DOCK4: variants seen among roughly 807,000 people sequenced by gnomAD.
DOCK4 encodes dedicator of cytokinesis 4, also known as dedicator of cytokinesis protein 4.
A neutral mutation model predicts 268.1 loss-of-function variants in DOCK4; 97 were observed. The observed-to-expected ratio is 0.36, with a 90% CI of 0.31 to 0.43. The LOEUF is 0.43. Among genes scored for constraint, DOCK4 ranks in the 20% least tolerant of loss-of-function variants. The pLI is 1.00. For missense variants in DOCK4, 2,145 were observed against 2,455.7 expected (o/e 0.87, Z 2.67); for synonymous variants, 954 against 887.2 (o/e 1.08, Z -1.34).
In DOCK4 at chr7:111,933,296, ATAT is replaced by A. The variant is rs1234068192; in HGVS notation, c.1066+2241_1066+2243del. On this transcript the variant is annotated intron_variant, in intron 12 of 52. Transcript: ENST00000428084. Reference sequence around the variant, plus strand: ...CATATATACATATATATATATATATATATTTTTTTTTTTTTTTGAGATGGAGTC... The same window carrying A: ...CATATATACATATATATATATATATATTTTTTTTTTTTTTGAGATGGAGTC... Among the ~76,000 whole-genome samples the A allele has an allele frequency of 2.6e-4, 28 of 108,382 alleles. 2 individuals carry two copies. The highest frequency in any genetic ancestry group is 1.1e-3 in the African/African-American group (27 of 24,262). 71.1% of individuals were successfully genotyped at this position (108,382 alleles called of 152,430 possible).
In DOCK4 at chr7:112,053,778, G is replaced by C. The variant is rs535981648; in HGVS notation, c.38-49647C>G. 7.3e-4 allele frequency among the ~76,000 whole-genome samples: 111 copies of C among 152,288 alleles called. 1 individual carries two copies. The highest frequency in any genetic ancestry group is 1.2e-3 in the Non-Finnish European group (83 of 68,030). Reference sequence around the variant, plus strand: ...AAGGGAAGGCATCATCAGCAATGTTGTCATAATTACACCGTCAGCTAATCA... The same window carrying C: ...AAGGGAAGGCATCATCAGCAATGTTCTCATAATTACACCGTCAGCTAATCA... On this transcript the variant is annotated intron_variant, in intron 1 of 52. Coordinates refer to ENST00000428084, the MANE Select transcript of DOCK4 (RefSeq NM_001363540.2).
intron 1 of DOCK4, among the ~76,000 whole-genome samples, chr7:112,098,490 T>C (rs35447217): frequency 1.3e-5 from 2 of 150,568 alleles, no homozygotes; most frequent in African/African-American, 2.4e-5. Flanking sequence ...AAATTATATA[T>C]CTTATAGTTA....
At chr7:111,777,433 C>T (rs1035423520) in intron 36 of DOCK4, among the ~76,000 whole-genome samples, 2 of 152,128 alleles carry the variant, frequency 1.3e-5, no homozygotes, top group Non-Finnish European at 2.9e-5. Flanking sequence ...AAATGGTAAA[C>T]ATCTGAGTAA....
intron 1 of DOCK4, among the ~76,000 whole-genome samples, chr7:112,113,733 G>GAT (rs1811869405): frequency 2.6e-5 from 2 of 77,926 alleles, no homozygotes; most frequent in Non-Finnish European, 5.0e-5. Flanking sequence ...ATACTTGGCT[G>GAT]ATTTTTTTTT....
chr7:111,836,023 T>C (rs1158605043), intron 25 of DOCK4, among the ~76,000 whole-genome samples: 2 of 152,174 alleles, frequency 1.3e-5, no homozygotes, highest in Non-Finnish European at 2.9e-5. Flanking sequence ...TATACTTTGT[T>C]AATGAACATG....
At chr7:111,734,219 G>A (rs928194804) in intron 51 of DOCK4, among the ~76,000 whole-genome samples, 5 of 151,926 alleles carry the variant, frequency 3.3e-5, no homozygotes, top group Non-Finnish European at 7.4e-5. Context: ...TGGGATTACA[G>A]GTGTGAACTA....
Position 111,741,520 on chromosome 7 carries a change from T to C in DOCK4, c.4919+20A>G, listed in dbSNP as rs760727286. On this transcript the variant is annotated intron_variant, in intron 46 of 52. Coordinates refer to ENST00000428084, the MANE Select transcript of DOCK4 (RefSeq NM_001363540.2). ...TTGCGGGTGAGGCCAAATTGTAAGA[T>C]AATTTGGAATATGACTTACCTGCGT... The C allele has an allele frequency of 4.3e-6, 7 of 1,610,024 alleles. No homozygotes were observed. Among genetic ancestry groups the C allele is most frequent in the South Asian group, 1.1e-5 (1 of 89,902 alleles).
chr7:111,881,840 T>A lies in DOCK4; in HGVS notation c.1588-4654A>T, dbSNP rs184820886. 1.2e-4 allele frequency among the ~76,000 whole-genome samples: 19 copies of A among 152,220 alleles called. No homozygotes were observed. The East Asian group carries it at 3.5e-3, about 28-fold the overall frequency. On this transcript the variant is annotated intron_variant, in intron 16 of 52. Coordinates refer to ENST00000428084, the MANE Select transcript of DOCK4 (RefSeq NM_001363540.2). The stretch of plus-strand genomic sequence containing the variant: ...TAAGCCAGGCACCAAAAGACAAACA[T>A]TGCATGTTCTCACTTTTTTTGTGGG...
At chr7:111,743,309 C>G (rs910467932) in intron 44 of DOCK4, among the ~76,000 whole-genome samples, 2 of 152,214 alleles carry the variant, frequency 1.3e-5, no homozygotes, top group Non-Finnish European at 2.9e-5. Flanking sequence ...TATTTTTAAT[C>G]TTTGCAGCTC....
intron 1 of DOCK4, among the ~76,000 whole-genome samples, chr7:112,013,985 A>AC (rs1313932616): frequency 6.6e-6 from 1 of 152,194 alleles, no homozygotes; most frequent in Non-Finnish European, 1.5e-5. Flanking sequence ...GTGGGTACTC[A>AC]ACAAGTGTCA....
intron 1 of DOCK4, among the ~76,000 whole-genome samples, chr7:112,136,994 T>C (rs1434325050): frequency 6.6e-6 from 1 of 152,048 alleles, no homozygotes; most frequent in East Asian, 1.9e-4. Context: ...CCTCCAATAC[T>C]GAGCCAAAAA....
intron 32 of DOCK4, chr7:111,784,439 G>A (rs747038551): frequency 2.4e-5 from 14 of 574,182 alleles, no homozygotes; most frequent in Non-Finnish European, 4.3e-5. Flanking sequence ...AACTGCTACA[G>A]GAAAATCCTT....
chr7:111,860,518 C>G (rs1239547821), intron 23 of DOCK4, among the ~76,000 whole-genome samples: 1 of 152,262 alleles, frequency 6.6e-6, no homozygotes, highest in Admixed American at 6.5e-5. Flanking sequence ...TTCTGTTGAT[C>G]GTGAGCCACT....
rs1794720049 is a variant in DOCK4 at position 111,727,500 on chromosome 7, T to TATCA, written c.*770_*773dup. On this transcript the variant is annotated 3_prime_UTR_variant, in exon 53 of 53. Transcript: ENST00000428084. ...CAATGACAAATTTTATATAGGAAAC[T>TATCA]ATCAAGAAAGGAAGCGCAAAATTCA... 6.6e-6 allele frequency: 1 copy of TATCA among 152,642 alleles called. No individual in the cohort carries two copies. The highest frequency in any genetic ancestry group is 2.4e-5 in the African/African-American group (1 of 41,458). The allele number at this position is 152,642 out of a possible 1,614,324, so 9.5% of individuals were successfully genotyped here.
rs766985284 is a variant in DOCK4, at chr7:111,728,540, G to A, written c.5662C>T (p.Pro1888Ser). The A allele has an allele frequency of 1.4e-5, 23 of 1,613,620 alleles. 1 individual carries two copies. The South Asian group carries it at 2.4e-4, about 17-fold the overall frequency. The change falls in exon 53 of 53, where the codon CCA becomes TCA. Residue 1888 changes from proline to serine, a missense_variant. By Grantham distance (74) the Pro-to-Ser change is moderately conservative (BLOSUM62 -1). This residue lies in a region of DOCK4 where 547 missense variants were observed against 469.0 expected (regional missense o/e 1.17). Coordinates refer to ENST00000428084, the MANE Select transcript of DOCK4 (RefSeq NM_001363540.2). ...VNEQSAPLPV[P>S]VPVPVPSYGG... ...TAGCTCGGCACGGGCACCGGCACTG[G>A]CACCGGCAGGGGGGCCGACTGTTCA...
chr7:111,777,950 T>C (rs571931444), intron 36 of DOCK4, among the ~76,000 whole-genome samples: 1 of 152,320 alleles, frequency 6.6e-6, no homozygotes, highest in South Asian at 2.1e-4. Context: ...GGTATGTCTT[T>C]ATCAGCAGTG....
At chr7:112,140,555 T>C (rs753117172) in intron 1 of DOCK4, among the ~76,000 whole-genome samples, 4 of 148,070 alleles carry the variant, frequency 2.7e-5, no homozygotes, top group Admixed American at 6.8e-5. Context: ...TCAAAATACA[T>C]ACAGAAATGA....
intron 7 of DOCK4, among the ~76,000 whole-genome samples, chr7:111,979,746 C>G (rs1798468434): frequency 6.6e-6 from 1 of 152,202 alleles, no homozygotes; most frequent in Admixed American, 6.5e-5. Context: ...GATATCCTCT[C>G]TTAACCTCAA....
intron 3 of DOCK4, among the ~76,000 whole-genome samples, chr7:111,999,251 A>T (rs1800224033): frequency 6.6e-6 from 1 of 152,182 alleles, no homozygotes; most frequent in South Asian, 2.1e-4. Flanking sequence ...TAAATATTTA[A>T]GAAAATAAAT....
Sources: allele counts gnomAD v4.1 joint callset (sites outside exome capture counted in the v4.1 genomes callset), GRCh38; gene constraint gnomAD v4.1.1; regional missense constraint gnomAD v4.1.1; transcripts MANE v1.5; gene names NCBI Gene and HGNC (gene_info 2026-07-23, HGNC 2026-07-21).